The following NRG3 variants were observed in gnomAD, a reference collection of about 807,000 sequenced individuals.
The protein encoded by NRG3 is pro-neuregulin-3, membrane-bound isoform.
In NRG3, 31 loss-of-function variants were observed where a neutral mutation model predicts 66.9. The ratio of observed to expected loss-of-function variants is 0.46; its 90% CI spans 0.35 to 0.63. The LOEUF (loss-of-function observed/expected upper bound fraction) is 0.63. Among genes scored for constraint, NRG3 ranks in the 20% least tolerant of loss-of-function variants. The pLI is 0.00. For synonymous variants in NRG3, 393 were observed against 359.4 expected (o/e 1.09, Z -1.06); for missense variants, 910 against 878.9 (o/e 1.04, Z -0.45).
chr10:82,683,349 C>T (rs1319031841), intron 2 of NRG3, among the ~76,000 whole-genome samples: 2 of 151,854 alleles, frequency 1.3e-5, no homozygotes, highest in Non-Finnish European at 2.9e-5. Context: ...CTATCTCTTC[C>T]TCTCTCCCCT....
intron 2 of NRG3, among the ~76,000 whole-genome samples, chr10:82,518,430 T>C (rs1244659784): frequency 6.6e-6 from 1 of 152,178 alleles, no homozygotes. Flanking sequence ...GAGCTTTCAA[T>C]CTAACAATTA....
intron 1 of NRG3, among the ~76,000 whole-genome samples, chr10:82,188,221 C>T (rs1022022615): frequency 2.6e-5 from 4 of 152,116 alleles, no homozygotes; most frequent in African/African-American, 9.7e-5. Flanking sequence ...AAAAGACAGT[C>T]ACTTCAATAA....
At chr10:82,334,876 T>C (rs1235355571) in intron 1 of NRG3, among the ~76,000 whole-genome samples, 3 of 152,180 alleles carry the variant, frequency 2.0e-5, no homozygotes, top group Non-Finnish European at 4.4e-5. Context: ...TACCAACAAA[T>C]TTACCAAAAC....
chr10:82,162,394 A>T (rs913106781), intron 1 of NRG3, among the ~76,000 whole-genome samples: 2 of 152,290 alleles, frequency 1.3e-5, no homozygotes, highest in East Asian at 3.9e-4. Flanking sequence ...AGGGCAGGCT[A>T]CTGCATCAGT....
intron 2 of NRG3, among the ~76,000 whole-genome samples, chr10:82,661,354 A>G (rs1252566002): frequency 6.6e-6 from 1 of 152,068 alleles, no homozygotes; most frequent in Non-Finnish European, 1.5e-5. Flanking sequence ...GTACACATAT[A>G]AATATATAAA....
chr10:82,620,137 A>C (rs1444261420), intron 2 of NRG3, among the ~76,000 whole-genome samples: 1 of 152,138 alleles, frequency 6.6e-6, no homozygotes, highest in East Asian at 1.9e-4. Flanking sequence ...CCAAAGCCCC[A>C]GAGGGCATAT....
intron 1 of NRG3, among the ~76,000 whole-genome samples, chr10:82,301,331 A>T (rs539685741): frequency 6.6e-6 from 1 of 152,308 alleles, no homozygotes; most frequent in African/African-American, 2.4e-5. Flanking sequence ...GATGTATTAA[A>T]ATATTTATGT....
rs1173544927 is a variant in NRG3, at chr10:82,850,714, A to C, written c.1028-14697A>C. 1.6e-4 allele frequency among the ~76,000 whole-genome samples: 6 copies of C among 37,336 alleles called. No homozygotes were observed. The African/African-American group carries it at 2.8e-3, about 17-fold the overall frequency. 24.5% of individuals were successfully genotyped at this position (37,336 alleles called of 152,430 possible). A position where few individuals can be genotyped will look rare whatever the true frequency, so the allele number is the denominator to read the frequency against. On this transcript the variant is annotated intron_variant, in intron 3 of 8. Coordinates refer to ENST00000372141, the MANE Select transcript of NRG3 (RefSeq NM_001010848.4). ...TTTAGACTCCAAATTTTTTAAGAGCAAAAAAAAAAAAGAAATTTAAAAACA... is the reference window on the plus strand; with the variant it reads ...TTTAGACTCCAAATTTTTTAAGAGCCAAAAAAAAAAAGAAATTTAAAAACA...
intron 4 of NRG3, among the ~76,000 whole-genome samples, chr10:82,901,572 G>A (rs1041049607): frequency 2.6e-5 from 4 of 152,178 alleles, no homozygotes; most frequent in African/African-American, 9.7e-5. Flanking sequence ...TCCAGCTCTA[G>A]GAGTGATCCT....
intron 2 of NRG3, among the ~76,000 whole-genome samples, chr10:82,702,871 C>T (rs1206649979): frequency 5.9e-5 from 9 of 151,956 alleles, no homozygotes; most frequent in Non-Finnish European, 1.5e-5. Context: ...TTTGAAAGTG[C>T]TGTAGTCAAA....
chr10:82,390,505 C>T (rs1466849660), intron 2 of NRG3, among the ~76,000 whole-genome samples: 1 of 151,994 alleles, frequency 6.6e-6, no homozygotes, highest in African/African-American at 2.4e-5. Flanking sequence ...ATAGGGGGAC[C>T]TACTTATGCA....
chr10:82,610,598 C>T (rs1394693133), intron 2 of NRG3, among the ~76,000 whole-genome samples: 1 of 152,078 alleles, frequency 6.6e-6, no homozygotes, highest in Non-Finnish European at 1.5e-5. Flanking sequence ...TGAAGAATTC[C>T]ACATAATTTT....
chr10:82,032,717 T>C (rs1435176651), intron 1 of NRG3, among the ~76,000 whole-genome samples: 1 of 152,102 alleles, frequency 6.6e-6, no homozygotes, highest in Non-Finnish European at 1.5e-5. Flanking sequence ...TAATAGCACA[T>C]TGTGCGTTAA....
chr10:82,438,736 T>C (rs151249999), intron 2 of NRG3, among the ~76,000 whole-genome samples: 387 of 152,178 alleles, frequency 2.5e-3, no homozygotes, highest in African/African-American at 8.9e-3. Context: ...CCCGGCTGAG[T>C]AGCACGCTCA....
chr10:81,922,260 A>G (rs942011105), intron 1 of NRG3, among the ~76,000 whole-genome samples: 1 of 152,166 alleles, frequency 6.6e-6, no homozygotes, highest in Non-Finnish European at 1.5e-5. Context: ...TCCTATGATA[A>G]TGTTTTGTAT....
At chr10:82,554,907 T>C (rs1294210373) in intron 2 of NRG3, among the ~76,000 whole-genome samples, 3 of 152,210 alleles carry the variant, frequency 2.0e-5, no homozygotes, top group Admixed American at 6.5e-5. Flanking sequence ...AGTTGGGTTC[T>C]TCCTTTACAC....
Position 82,017,401 on chromosome 10 carries a change from G to A in NRG3, c.823+141238G>A, listed in dbSNP as rs567306789. Among the ~76,000 whole-genome samples the A allele has an allele frequency of 5.9e-5, 9 of 152,228 alleles. No individual in the cohort carries two copies. The East Asian group carries it at 1.2e-3, about 20-fold the overall frequency. On this transcript the variant is annotated intron_variant, in intron 1 of 8. Transcript: ENST00000372141. The stretch of plus-strand genomic sequence containing the variant: ...TTGAGTAGTGCCGCAATAAACATAC[G>A]TGTGCATGTGTCTTTATAGCAGCAT...
At chr10:82,820,407 C>T (rs1392304257) in intron 3 of NRG3, among the ~76,000 whole-genome samples, 2 of 151,932 alleles carry the variant, frequency 1.3e-5, no homozygotes, top group Admixed American at 6.6e-5. Flanking sequence ...GGTTTCTGGC[C>T]CTTAATTTAG....
chr10:82,144,229 G>A (rs972379292), intron 1 of NRG3, among the ~76,000 whole-genome samples: 4 of 152,008 alleles, frequency 2.6e-5, no homozygotes, highest in African/African-American at 7.2e-5. Flanking sequence ...CAACTACTAT[G>A]TGGTTGATTT....
Sources: gnomAD v4.1 joint callset for allele counts (sites outside exome capture counted in the v4.1 genomes callset) on GRCh38, gnomAD v4.1.1 for gene constraint, MANE v1.5 for transcripts, NCBI Gene and HGNC (gene_info 2026-07-23, HGNC 2026-07-21) for gene names.